The following AMD1 variants were observed in gnomAD, a reference collection of about 807,000 sequenced individuals.
AMD1 encodes S-adenosylmethionine decarboxylase proenzyme.
AMD1 carries 11 observed loss-of-function variants against 40.2 expected under a neutral mutation model. That is an observed-to-expected ratio of 0.27 (90% CI 0.17 to 0.45). The LOEUF (loss-of-function observed/expected upper bound fraction) is 0.45. Among genes scored for constraint, AMD1 ranks in the 20% least tolerant of loss-of-function variants. AMD1 has a pLI of 1.00. For missense variants in AMD1, 257 were observed against 410.2 expected, an observed-to-expected ratio of 0.63 and a Z score of 3.23; for synonymous variants, 121 against 130.8, an observed-to-expected ratio of 0.93 and a Z score of 0.51.
At chr6:110,814,700 ACTC>A in the AMD1 span, 1 of 569,916 alleles carries the variant, frequency 1.8e-6, no homozygotes, top group Admixed American at 2.2e-5. Context: ...GACCCCACAA[ACTC>A]CTCCTCCACC....
At chr6:110,859,883 G>T in the AMD1 span, among the ~76,000 whole-genome samples, 1 of 152,150 alleles carries the variant, frequency 6.6e-6, no homozygotes, top group Non-Finnish European at 1.5e-5. Flanking sequence ...AGGCTGGAGT[G>T]CAGTGGTGCG....
At chr6:110,867,436 G>T in the AMD1 span, among the ~76,000 whole-genome samples, 4 of 152,066 alleles carry the variant, frequency 2.6e-5, no homozygotes, top group African/African-American at 9.7e-5. Flanking sequence ...AGGCTGAGAG[G>T]GGGGATCACT....
chr6:110,853,902 C>T, the AMD1 span, among the ~76,000 whole-genome samples: 1 of 152,174 alleles, frequency 6.6e-6, no homozygotes, highest in Non-Finnish European at 1.5e-5. Flanking sequence ...GGCTCAATGT[C>T]AAGTGTCCTC....
rs886458467 is a variant in AMD1 at position 110,875,436 on chromosome 6, C to G, written c.110+221C>G. 4.1e-5 allele frequency: 21 copies of G among 515,548 alleles called. No homozygotes were observed. The African/African-American group carries it at 4.1e-4, about 10-fold the overall frequency. The allele number at this position is 515,548 out of a possible 1,614,324, so 31.9% of individuals were successfully genotyped here. A position where few individuals can be genotyped will look rare whatever the true frequency, so the allele number is the denominator to read the frequency against. On this transcript the variant is annotated intron_variant, in intron 1 of 8. Coordinates refer to ENST00000368885, the MANE Select transcript of AMD1 (RefSeq NM_001634.6). Reference sequence around the variant, plus strand: ...CTCCCGCCGTGGTTGCCGCGCCTGGCATTGCCCTGGGGGAGGGGAGGAGGC... The same window carrying G: ...CTCCCGCCGTGGTTGCCGCGCCTGGGATTGCCCTGGGGGAGGGGAGGAGGC...
the AMD1 span, among the ~76,000 whole-genome samples, chr6:110,854,685 T>G: frequency 6.6e-6 from 1 of 152,110 alleles, no homozygotes; most frequent in African/African-American, 2.4e-5. Flanking sequence ...TGACCTCAGG[T>G]GATCCACCAG....
At chr6:110,820,727 C>A in the AMD1 span, among the ~76,000 whole-genome samples, 1 of 151,830 alleles carries the variant, frequency 6.6e-6, no homozygotes, top group African/African-American at 2.4e-5. Context: ...CACGGTGAAA[C>A]CCCCATCTTT....
the AMD1 span, among the ~76,000 whole-genome samples, chr6:110,823,045 G>A: frequency 1.3e-5 from 2 of 152,180 alleles, no homozygotes; most frequent in Non-Finnish European, 2.9e-5. Context: ...AACCCAGGAG[G>A]TGGAGGTTGT....
chr6:110,890,421 T>A, intron 4 of AMD1, 65 bp downstream of exon 4: 1 of 1,139,646 alleles, frequency 8.8e-7, no homozygotes, highest in Admixed American at 2.2e-5. Context: ...CTCAGAGATC[T>A]TTCTATATGA....
At chr6:110,814,934 C>T in the AMD1 span, 2 of 1,583,734 alleles carry the variant, frequency 1.3e-6, no homozygotes, top group Non-Finnish European at 1.7e-6. Context: ...GACTGGGATC[C>T]GACCCACCCA....
chr6:110,881,839 T>A (rs988954526), intron 1 of AMD1, among the ~76,000 whole-genome samples: 3 of 145,554 alleles, frequency 2.1e-5, no homozygotes, highest in Admixed American at 6.8e-5. Context: ...AAAAAAAAAA[T>A]TGTGTGCTTG....
chr6:110,874,436 C>G (rs1413656646), upstream of AMD1, among the ~76,000 whole-genome samples: 1 of 151,820 alleles, frequency 6.6e-6, no homozygotes, highest in Non-Finnish European at 1.5e-5. Context: ...CCCTAAGGAC[C>G]CACCCATGTT....
chr6:110,843,508 C>G, the AMD1 span, among the ~76,000 whole-genome samples: 1 of 150,054 alleles, frequency 6.7e-6, no homozygotes, highest in Admixed American at 6.7e-5. Flanking sequence ...AAATAAAGTA[C>G]TATGAGTTGG....
the AMD1 span, among the ~76,000 whole-genome samples, chr6:110,823,372 C>A: frequency 1.3e-5 from 2 of 152,088 alleles, no homozygotes; most frequent in Non-Finnish European, 2.9e-5. Flanking sequence ...GAAGTACTAA[C>A]CAGATCCATC....
At chr6:110,831,828 A>G in the AMD1 span, among the ~76,000 whole-genome samples, 3 of 152,056 alleles carry the variant, frequency 2.0e-5, no homozygotes, top group Non-Finnish European at 4.4e-5. Flanking sequence ...ACTGTTTTAT[A>G]TGCAATTCTT....
At position 110,892,730 on chromosome 6, in the gene AMD1, C is replaced by CCG. The variant is rs1554238019; in HGVS notation, c.616-4_616-3insGC. On this transcript the variant is annotated splice_region_variant and splice_polypyrimidine_tract_variant and intron_variant, in intron 6 of 8. Coordinates refer to ENST00000368885, the MANE Select transcript of AMD1 (RefSeq NM_001634.6). ...TTGTTAAACTCGGTCTTTTTCCCCC[C>CCG]CCAGGAGAGTGGAATTCGTGACCTG... 3 of 1,612,024 alleles carry CCG rather than the reference C, an allele frequency of 1.9e-6. No individual in the cohort carries two copies. The highest frequency in any genetic ancestry group is 1.7e-6 in the Non-Finnish European group (2 of 1,179,222).
At chr6:110,872,632 T>C (rs1020456019), upstream of AMD1, among the ~76,000 whole-genome samples, 1 of 152,214 alleles carries the variant, frequency 6.6e-6, no homozygotes, top group African/African-American at 2.4e-5. Context: ...TTTTTATTAT[T>C]TCTATGATCT....
rs781155895 is a variant in AMD1 at position 110,892,772 on chromosome 6, T to C, written c.653T>C (p.Ile218Thr). 1.9e-6 allele frequency: 3 copies of C among 1,613,696 alleles called. No homozygotes were observed. Among genetic ancestry groups the C allele is most frequent in the Non-Finnish European group, 2.5e-6 (3 of 1,179,858 alleles). ...CGTGACCTGATACCAGGTTCTGTCA[T>C]TGATGCCACAATGTTCAATCCTTGT... ...GIRDLIPGSV[I>T]DATMFNPCGY... Residue 218 changes from isoleucine (I) to threonine (T), a missense_variant, in exon 7 of 9, where the codon ATT becomes ACT. This residue lies in a region of AMD1 where 192 missense variants were observed against 296.5 expected (regional missense o/e 0.65). Transcript: ENST00000368885.
At chr6:110,814,666 C>T in the AMD1 span, 9 of 514,424 alleles carry the variant, frequency 1.7e-5, no homozygotes, top group Admixed American at 1.6e-4. Flanking sequence ...CTCTGCCTGC[C>T]CGCTGCGTTC....
At chr6:110,872,588 C>G (rs1025997116), upstream of AMD1, among the ~76,000 whole-genome samples, 2 of 152,014 alleles carry the variant, frequency 1.3e-5, no homozygotes, top group Non-Finnish European at 2.9e-5. Context: ...AATATTTAAG[C>G]AAAGATTAAC....
Sources: allele counts gnomAD v4.1 joint callset (sites outside exome capture counted in the v4.1 genomes callset), GRCh38; gene constraint gnomAD v4.1.1; regional missense constraint gnomAD v4.1.1; transcripts MANE v1.5; gene names NCBI Gene and HGNC (gene_info 2026-07-23, HGNC 2026-07-21).